The following FGF13 variants were observed in gnomAD, a reference collection of about 807,000 sequenced individuals.
FGF13 encodes fibroblast growth factor 13.
FGF13 carries 2 observed loss-of-function variants against 19.5 expected under a neutral mutation model. That is an observed-to-expected ratio of 0.10 (90% CI 0.04 to 0.32). FGF13 has a LOEUF of 0.32. FGF13 is among the 10% of genes least tolerant of loss of function. The pLI is 1.00. For missense variants in FGF13, 113 were observed against 192.7 expected (o/e 0.59, Z 2.45); for synonymous variants, 72 against 76.9 (o/e 0.94, Z 0.33).
At chrX:138,839,743 T>C (rs2091136662) in intron 3 of FGF13, among the ~76,000 whole-genome samples, 1 of 111,732 alleles carries the variant, frequency 8.9e-6, no homozygotes, top group Non-Finnish European at 1.9e-5. Flanking sequence ...AGAATATAAA[T>C]TTAAGTTTAG....
chrX:138,834,580 AT>A (rs1304882655), intron 3 of FGF13, among the ~76,000 whole-genome samples: 1 of 95,822 alleles, frequency 1.0e-5, no homozygotes, highest in Non-Finnish European at 2.1e-5. Context: ...TTATTTACTT[AT>A]TTTTTTTCAA....
chrX:139,124,237 C>A (rs975289745), intron 1 of FGF13, among the ~76,000 whole-genome samples: 3 of 112,672 alleles, frequency 2.7e-5, no homozygotes, highest in African/African-American at 9.7e-5. Flanking sequence ...CAGTGACAGA[C>A]GTCATGTGTT....
intron 1 of FGF13, among the ~76,000 whole-genome samples, chrX:139,006,144 C>A (rs1400101243): frequency 9.0e-6 from 1 of 111,229 alleles, no homozygotes; most frequent in East Asian, 2.8e-4. Flanking sequence ...AATAATCAGA[C>A]TCCCAAAGGT....
chrX:138,893,033 A>G (rs758424793), intron 1 of FGF13, among the ~76,000 whole-genome samples: 1 of 111,118 alleles, frequency 9.0e-6, no homozygotes. Context: ...GCTACAAAGC[A>G]GACTACAAAA....
intron 1 of FGF13, among the ~76,000 whole-genome samples, chrX:138,874,867 G>T (rs2091379076): frequency 9.0e-6 from 1 of 111,694 alleles, no homozygotes. Flanking sequence ...GAGGCAATAG[G>T]CATGCCTAGC....
chrX:138,984,523 GGAAGAA>G lies in FGF13; in HGVS notation c.-112-119879_-112-119874del, dbSNP rs1209275314. On this transcript the variant is annotated intron_variant, in intron 1 of 2. Transcript: ENST00000421460. ...AAGGAGAAGAAGAGGAAGAAGAAGA[GGAAGAA>G]GAAGAAGAAGAAGAAGAAGAAGAAG... Among the ~76,000 whole-genome samples, 204 of 31,527 alleles carry G rather than the reference GGAAGAA, an allele frequency of 6.5e-3. 17 individuals are homozygous for G. The highest frequency in any genetic ancestry group is 0.025 in the South Asian group (8 of 316). 27.4% of individuals were successfully genotyped at this position (31,527 alleles called of 115,157 possible).
At chrX:139,199,256 G>A (rs751166447) in intron 1 of FGF13, among the ~76,000 whole-genome samples, 2 of 112,232 alleles carry the variant, frequency 1.8e-5, no homozygotes, top group Non-Finnish European at 3.8e-5. Flanking sequence ...GCTGAGCAAG[G>A]TAATAGACAT....
chrX:138,820,671 A>G (rs1165672232), intron 3 of FGF13, among the ~76,000 whole-genome samples: 1 of 112,186 alleles, frequency 8.9e-6, no homozygotes, highest in Non-Finnish European at 1.9e-5. Context: ...ATCTGAAGGT[A>G]ACGCAGTGGA....
intron 1 of FGF13, among the ~76,000 whole-genome samples, chrX:139,193,332 GTA>G (rs2148278858): frequency 8.9e-6 from 1 of 112,258 alleles, no homozygotes; most frequent in East Asian, 2.8e-4. Flanking sequence ...AGGGCTTTTG[GTA>G]TAGAGTTTCA....
intron 1 of FGF13, among the ~76,000 whole-genome samples, chrX:138,719,335 A>T (rs1266667683): frequency 8.9e-6 from 1 of 112,363 alleles, no homozygotes; most frequent in Non-Finnish European, 1.9e-5. Flanking sequence ...CATAACACTC[A>T]ATAACTTCTT....
At chrX:138,689,520 C>T (rs771939812) in intron 3 of FGF13, among the ~76,000 whole-genome samples, 2 of 111,671 alleles carry the variant, frequency 1.8e-5, no homozygotes, top group Admixed American at 9.6e-5. Context: ...AACCAAACAC[C>T]TCTCTTGATG....
rs188955263 is a variant in FGF13, at chrX:139,147,126, A to C, written c.-113+56290T>G. Among the ~76,000 whole-genome samples, 511 of 109,657 alleles carry C rather than the reference A, an allele frequency of 4.7e-3. 11 individuals carry two copies. In the East Asian group the frequency reaches 0.11, roughly 23 times the overall value. On this transcript the variant is annotated intron_variant, in intron 1 of 2. Coordinates refer to the FGF13 transcript ENST00000421460. ...AGAACTTAAAGTATAATAATAATAA[A>C]ATATAATAAAAATAAAGAACTTACT...
chrX:139,075,997 C>T lies in FGF13; in HGVS notation c.-113+127419G>A, dbSNP rs774710565. ...AGCTGGGACTACAGGCGCCCGCCAC[C>T]GCGCCCGGCTAATTTTTTGTATTTC... On this transcript the variant is annotated intron_variant, in intron 1 of 2. Transcript: ENST00000421460. Among the ~76,000 whole-genome samples, 6 of 13,563 alleles carry T rather than the reference C, an allele frequency of 4.4e-4. 1 individual carries two copies. In the South Asian group the frequency reaches 4.6e-3, roughly 10 times the overall value. 11.8% of individuals were successfully genotyped at this position (13,563 alleles called of 115,157 possible). A position where few individuals can be genotyped will look rare whatever the true frequency, so the allele number is the denominator to read the frequency against.
At chrX:138,940,392 T>C (rs1179139068) in intron 1 of FGF13, among the ~76,000 whole-genome samples, 3 of 111,918 alleles carry the variant, frequency 2.7e-5, no homozygotes, top group Non-Finnish European at 5.6e-5. Flanking sequence ...TCTGTTTACT[T>C]TGTTGATAGT....
At chrX:139,044,212 A>T (rs1362855928) in intron 1 of FGF13, among the ~76,000 whole-genome samples, 1 of 112,061 alleles carries the variant, frequency 8.9e-6, no homozygotes, top group Admixed American at 9.4e-5. Flanking sequence ...TACAAAGAAA[A>T]CAGGTTTAAC....
intron 1 of FGF13, among the ~76,000 whole-genome samples, chrX:139,200,207 C>T (rs1221594934): frequency 8.9e-6 from 1 of 112,158 alleles, no homozygotes; most frequent in Non-Finnish European, 1.9e-5. Context: ...GGTCACCAAC[C>T]TCATAATTTC....
In FGF13 at chrX:138,622,353, T is replaced by C. The variant is rs971806163; in HGVS notation, c.*10497A>G. The C allele has an allele frequency of 2.5e-4, 28 of 111,585 alleles. No individual in the cohort carries two copies. The highest frequency in any genetic ancestry group is 1.9e-4 in the Admixed American group (2 of 10,489). 9.2% of individuals were successfully genotyped at this position (111,585 alleles called of 1,213,427 possible). A position where few individuals can be genotyped will look rare whatever the true frequency, so the allele number is the denominator to read the frequency against. On this transcript the variant is annotated 3_prime_UTR_variant, in exon 5 of 5. Coordinates refer to ENST00000315930, the MANE Select transcript of FGF13 (RefSeq NM_004114.5). ...AAGACAATGAAGGATAATAATCATATGATCATTTTAACAGATACAGAAAAG... is the reference window on the plus strand; with the variant it reads ...AAGACAATGAAGGATAATAATCATACGATCATTTTAACAGATACAGAAAAG...
intron 3 of FGF13, among the ~76,000 whole-genome samples, chrX:138,831,175 G>A (rs1356473109): frequency 8.9e-6 from 1 of 112,030 alleles, no homozygotes; most frequent in East Asian, 2.8e-4. Flanking sequence ...GAGCTGTGTA[G>A]AGATGGCTTC....
intron 3 of FGF13, among the ~76,000 whole-genome samples, chrX:138,778,673 C>A (rs936969255): frequency 2.7e-5 from 3 of 111,989 alleles, no homozygotes; most frequent in Admixed American, 9.4e-5. Context: ...GCTAGGCCCA[C>A]GGAGTCTCGC....
Sources: allele counts gnomAD v4.1 joint callset (sites outside exome capture counted in the v4.1 genomes callset), GRCh38; gene constraint gnomAD v4.1.1; transcripts MANE v1.5; gene names NCBI Gene and HGNC (gene_info 2026-07-23, HGNC 2026-07-21).